DAPK2: variants seen among roughly 807,000 people sequenced by gnomAD.
DAPK2 encodes the protein death associated protein kinase 2.
DAPK2 carries 35 observed loss-of-function variants against 44.1 expected under a neutral mutation model. That is an observed-to-expected ratio of 0.79 (90% confidence interval 0.61 to 1.05). The LOEUF is 1.05. DAPK2 is among the 50% of genes least tolerant of loss of function. The pLI is 0.00. For synonymous variants in DAPK2, 174 were observed against 182.6 expected (o/e 0.95, Z 0.38); for missense variants, 453 against 483.2 (o/e 0.94, Z 0.59).
chr15:63,985,422 A>G (rs1474536367), intron 1 of DAPK2, among the ~76,000 whole-genome samples: 1 of 152,154 alleles, frequency 6.6e-6, no homozygotes, highest in African/African-American at 2.4e-5. Flanking sequence ...GTGCCTTGGT[A>G]GGTGCCAACA....
chr15:63,998,369 C>G (rs972811400), intron 1 of DAPK2, among the ~76,000 whole-genome samples: 11 of 152,172 alleles, frequency 7.2e-5, no homozygotes, highest in African/African-American at 2.4e-4. Context: ...GGCTTTCCCT[C>G]TGGGACAGAG....
intron 2 of DAPK2, among the ~76,000 whole-genome samples, chr15:63,979,484 C>T (rs1266516624): frequency 6.6e-6 from 1 of 152,182 alleles, no homozygotes; most frequent in Non-Finnish European, 1.5e-5. Context: ...ATAAAACCTG[C>T]AACTGGGCAG....
intron 1 of DAPK2, among the ~76,000 whole-genome samples, chr15:64,004,376 A>C (rs1567267522): frequency 6.6e-6 from 1 of 152,098 alleles, no homozygotes; most frequent in Admixed American, 6.5e-5. Context: ...AACGTTGGCT[A>C]TCTCTCTTTG....
intron 3 of DAPK2, among the ~76,000 whole-genome samples, chr15:63,956,028 G>A (rs1341517365): frequency 6.6e-6 from 1 of 152,162 alleles, no homozygotes; most frequent in African/African-American, 2.4e-5. Flanking sequence ...CTGGTAGGTT[G>A]TACCTGTCTA....
intron 10 of DAPK2, among the ~76,000 whole-genome samples, chr15:63,910,097 A>G (rs1446585628): frequency 3.3e-5 from 5 of 152,246 alleles, no homozygotes; most frequent in African/African-American, 1.2e-4. Context: ...GTAAAAAAAT[A>G]AGCTGGGTAA....
intron 1 of DAPK2, among the ~76,000 whole-genome samples, chr15:64,027,401 C>CA (rs544662137): frequency 0.033 from 4,798 of 144,754 alleles, 92 homozygotes; most frequent in South Asian, 0.09. Context: ...AAAAACAAAA[C>CA]AAAAAAAAAA....
intron 3 of DAPK2, among the ~76,000 whole-genome samples, chr15:63,947,870 C>G (rs1467917163): frequency 6.6e-6 from 1 of 152,190 alleles, no homozygotes; most frequent in Non-Finnish European, 1.5e-5. Context: ...CTTCTCCCAT[C>G]TCCATTCATG....
intron 1 of DAPK2, among the ~76,000 whole-genome samples, chr15:64,002,973 C>G (rs1433872575): frequency 6.6e-5 from 5 of 75,520 alleles, no homozygotes; most frequent in South Asian, 1.7e-3. Flanking sequence ...TGTCGTGGGA[C>G]CTGTGTGTGT....
intron 6 of DAPK2, among the ~76,000 whole-genome samples, chr15:63,929,093 G>A (rs201247702): frequency 6.6e-5 from 10 of 152,164 alleles, no homozygotes; most frequent in Admixed American, 2.6e-4. Context: ...CCGGTTACTC[G>A]GGAGGCTGAG....
chr15:63,969,298 T>C (rs1410607892), intron 3 of DAPK2, among the ~76,000 whole-genome samples: 11 of 152,114 alleles, frequency 7.2e-5, no homozygotes, highest in Admixed American at 5.9e-4. Context: ...CATGTTTCTG[T>C]AGTCCCAACT....
At chr15:64,029,485 T>C (rs984060769) in intron 1 of DAPK2, among the ~76,000 whole-genome samples, 3 of 152,124 alleles carry the variant, frequency 2.0e-5, no homozygotes, top group Admixed American at 1.3e-4. Context: ...TCTCCTGGAT[T>C]AGACCCTGCC....
In DAPK2 at chr15:63,962,501, G is replaced by C. The variant is rs141886269; in HGVS notation, c.453+8922C>G. 3.0e-3 allele frequency among the ~76,000 whole-genome samples: 455 copies of C among 152,288 alleles called. 2 individuals carry two copies. Among genetic ancestry groups the C allele is most frequent in the African/African-American group, 0.011 (442 of 41,558 alleles). On this transcript the variant is annotated intron_variant, in intron 3 of 10. Coordinates refer to ENST00000261891, the Ensembl canonical transcript of DAPK2. Reference sequence around the variant, plus strand: ...GTGGTTTTATGTACCTTTGGTCTTTGATGATGGTGACGTACAAATGGGGTT... The same window carrying C: ...GTGGTTTTATGTACCTTTGGTCTTTCATGATGGTGACGTACAAATGGGGTT...
In DAPK2 at chr15:63,980,841, A is replaced by G. The variant is rs564724602; in HGVS notation, c.314+2692T>C. 6.6e-5 allele frequency among the ~76,000 whole-genome samples: 10 copies of G among 152,264 alleles called. No individual in the cohort carries two copies. The highest frequency in any genetic ancestry group is 2.4e-4 in the African/African-American group (10 of 41,570). On this transcript the variant is annotated intron_variant, in intron 2 of 10. Transcript: ENST00000261891. This position sits in a 1 kb window ranked among gnomAD's most constrained non-coding sequence, Gnocchi z 4.3. ...GCGGTGGCTCACGCCTGTAATCCCA[A>G]CGCTTTGGGAGGCCAAGGCAGGCGG...
At chr15:63,943,049 G>A (rs60673721) in intron 3 of DAPK2, among the ~76,000 whole-genome samples, 137 of 151,118 alleles carry the variant, frequency 9.1e-4, no homozygotes, top group Non-Finnish European at 1.5e-3. Flanking sequence ...GCAAACATGC[G>A]ACATACTTTA....
Position 63,930,403 on chromosome 15 carries a change from T to G in DAPK2, c.632+4A>C, listed in dbSNP as rs748269741. 3 of 1,614,190 alleles carry G rather than the reference T, an allele frequency of 1.9e-6. No individual in the cohort carries two copies. Among genetic ancestry groups the G allele is most frequent in the Non-Finnish European group, 2.5e-6 (3 of 1,180,014 alleles). ...AGGTCACCTGAGTGGCCTATCCAAC[T>G]TACCACATGTCAGCCTCCAGACCCA... On this transcript the variant is annotated splice_donor_region_variant and intron_variant, in intron 5 of 10. Transcript: ENST00000261891.
chr15:63,953,804 A>G (rs1567229535), intron 3 of DAPK2, among the ~76,000 whole-genome samples: 1 of 152,188 alleles, frequency 6.6e-6, no homozygotes, highest in Non-Finnish European at 1.5e-5. Flanking sequence ...TTTTGGATAA[A>G]AGCCATTTTA....
At chr15:63,971,689 C>T (rs780007270) in intron 2 of DAPK2, 128 bp from the exon 4 acceptor site, 69 of 1,029,398 alleles carry the variant, frequency 6.7e-5, no homozygotes, top group Non-Finnish European at 9.0e-5. Context: ...ATCCCCCTGG[C>T]TTATTTCTGG....
chr15:63,962,122 A>G (rs2077919445), intron 3 of DAPK2, among the ~76,000 whole-genome samples: 1 of 151,880 alleles, frequency 6.6e-6, no homozygotes, highest in South Asian at 2.1e-4. Context: ...CCTTTCTTCC[A>G]CTTGATCAAA....
chr15:63,948,005 C>T lies in DAPK2; in HGVS notation c.454-8644G>A, dbSNP rs565116651. Among the ~76,000 whole-genome samples, 6 of 152,220 alleles carry T rather than the reference C, an allele frequency of 3.9e-5. No homozygotes were observed. In the East Asian group the frequency reaches 7.7e-4, roughly 20 times the overall value. On this transcript the variant is annotated intron_variant, in intron 3 of 10. Coordinates refer to ENST00000261891, the Ensembl canonical transcript of DAPK2. ...AATACCTGATGGGCGCAGTGGCTCA[C>T]GCCTATAATCCCAGTACTTTGGGAG...
Sources: gnomAD v4.1 joint callset for allele counts (sites outside exome capture counted in the v4.1 genomes callset) on GRCh38, gnomAD v4.1.1 for gene constraint, Gnocchi (gnomAD v3.1) non-coding constraint, MANE v1.5 for transcripts, NCBI Gene and HGNC (gene_info 2026-07-23, HGNC 2026-07-21) for gene names.